AUTS2: variants seen among roughly 807,000 people sequenced by gnomAD.
The protein encoded by AUTS2 is activator of transcription and developmental regulator AUTS2.
In AUTS2, 17 loss-of-function variants were observed where a neutral mutation model predicts 112.4. That is an observed-to-expected ratio of 0.15 (90% CI 0.10 to 0.23). The LOEUF (loss-of-function observed/expected upper bound fraction) is 0.23. Ranked by LOEUF, AUTS2 falls within the 10% of genes least tolerant of loss-of-function variation. AUTS2 has a pLI of 1.00. For missense variants in AUTS2, 1,510 were observed against 1,701.6 expected (o/e 0.89, Z 1.98); for synonymous variants, 751 against 702.7 (o/e 1.07, Z -1.09).
At chr7:69,868,514 C>A (rs1384129218) in intron 1 of AUTS2, among the ~76,000 whole-genome samples, 1 of 152,114 alleles carries the variant, frequency 6.6e-6, no homozygotes, top group Non-Finnish European at 1.5e-5. Context: ...CCCTCTGTCA[C>A]CCAGGTTATA....
At chr7:69,828,213 C>T (rs926939203) in intron 1 of AUTS2, among the ~76,000 whole-genome samples, 1 of 152,170 alleles carries the variant, frequency 6.6e-6, no homozygotes, top group Non-Finnish European at 1.5e-5. Flanking sequence ...TACTCCTTGT[C>T]AGTGATGGGC....
intron 4 of AUTS2, among the ~76,000 whole-genome samples, chr7:70,165,011 A>C (rs1808307450): frequency 6.6e-6 from 1 of 152,192 alleles, no homozygotes; most frequent in Non-Finnish European, 1.5e-5. Context: ...ATTTTAGTAG[A>C]GTGATGGAAT....
At chr7:70,006,407 ATGT>A (rs1372095851) in intron 2 of AUTS2, among the ~76,000 whole-genome samples, 2 of 152,308 alleles carry the variant, frequency 1.3e-5, no homozygotes, top group South Asian at 2.1e-4. Context: ...AGGCTTTCAG[ATGT>A]TGTCTGAACA....
intron 3 of AUTS2, among the ~76,000 whole-genome samples, chr7:70,132,164 T>TA (rs200482728): frequency 0.021 from 2,135 of 102,510 alleles, 42 homozygotes; most frequent in African/African-American, 0.036. Context: ...TCTTTTCCCT[T>TA]AAAAAAAAAA....
chr7:70,306,940 A>T (rs925921184), intron 4 of AUTS2, among the ~76,000 whole-genome samples: 5 of 152,180 alleles, frequency 3.3e-5, no homozygotes, highest in African/African-American at 1.2e-4. Context: ...CTATAATCAA[A>T]TTATTGCTTT....
chr7:70,158,158 G>C (rs768618898), intron 4 of AUTS2, among the ~76,000 whole-genome samples: 6 of 151,984 alleles, frequency 3.9e-5, no homozygotes, highest in Admixed American at 3.9e-4. Context: ...ACAGGAATGA[G>C]GATAGGAAGG....
chr7:69,810,919 CA>C (rs1287335895), intron 1 of AUTS2, among the ~76,000 whole-genome samples: 2 of 152,180 alleles, frequency 1.3e-5, no homozygotes, highest in East Asian at 3.8e-4. Flanking sequence ...GCATATTCAA[CA>C]TTTTTTTGAA....
At chr7:70,752,483 T>C (rs1788930895) in intron 6 of AUTS2, among the ~76,000 whole-genome samples, 1 of 152,232 alleles carries the variant, frequency 6.6e-6, no homozygotes, top group African/African-American at 2.4e-5. Flanking sequence ...TTACCGTTGA[T>C]AACTCAGAAT....
intron 1 of AUTS2, among the ~76,000 whole-genome samples, chr7:69,881,500 G>A (rs535622783): frequency 5.0e-4 from 76 of 152,178 alleles, no homozygotes; most frequent in Middle Eastern, 3.4e-3. Context: ...GTCTCATTTG[G>A]AAAGCCAGCA....
At chr7:69,810,735 A>G (rs1790512001) in intron 1 of AUTS2, among the ~76,000 whole-genome samples, 1 of 152,202 alleles carries the variant, frequency 6.6e-6, no homozygotes, top group Non-Finnish European at 1.5e-5. Flanking sequence ...AAAATGGTAG[A>G]CTAGGATTCG....
chr7:70,350,094 A>G (rs1316092297), intron 4 of AUTS2, among the ~76,000 whole-genome samples: 2 of 151,764 alleles, frequency 1.3e-5, no homozygotes. Context: ...TACATGCCAC[A>G]GCAAGAGGAC....
At chr7:70,731,377 G>GAATAAGAA (rs1454505500) in intron 6 of AUTS2, among the ~76,000 whole-genome samples, 1 of 130,144 alleles carries the variant, frequency 7.7e-6, no homozygotes, top group South Asian at 2.7e-4. Flanking sequence ...AAGGTTGCAA[G>GAATAAGAA]AATAAGAATA....
At chr7:70,765,626 G>A (rs1789888777) in intron 8 of AUTS2, among the ~76,000 whole-genome samples, 1 of 152,206 alleles carries the variant, frequency 6.6e-6, no homozygotes, top group African/African-American at 2.4e-5. Context: ...GACACTTGAA[G>A]AGGACATGCG....
chr7:70,115,563 T>A (rs1379777260), intron 2 of AUTS2, among the ~76,000 whole-genome samples: 1 of 152,190 alleles, frequency 6.6e-6, no homozygotes, highest in African/African-American at 2.4e-5. Context: ...TTAGAACATA[T>A]TATGTGGAGA....
At chr7:70,400,570 TA>T (rs1794283179) in intron 4 of AUTS2, among the ~76,000 whole-genome samples, 1 of 151,922 alleles carries the variant, frequency 6.6e-6, no homozygotes, top group Admixed American at 6.6e-5. Flanking sequence ...CATGCTGAGG[TA>T]GGGGGGCAGA....
intron 2 of AUTS2, among the ~76,000 whole-genome samples, chr7:70,095,143 G>A (rs1300741946): frequency 1.3e-5 from 2 of 152,158 alleles, no homozygotes; most frequent in Admixed American, 6.5e-5. Flanking sequence ...ATTTACTTAC[G>A]TGGAAACATC....
intron 5 of AUTS2, among the ~76,000 whole-genome samples, chr7:70,494,048 A>C (rs1165841713): frequency 6.6e-6 from 1 of 152,216 alleles, no homozygotes; most frequent in East Asian, 1.9e-4. Context: ...AAAATAAATA[A>C]ATAGGGATAG....
chr7:70,694,466 C>G lies in AUTS2; in HGVS notation c.691-4103C>G, dbSNP rs903444063. 1 of 149,070 alleles carries G rather than the reference C, an allele frequency of 6.7e-6. No individual in the cohort carries two copies. Among genetic ancestry groups the G allele is most frequent in the Non-Finnish European group, 1.5e-5 (1 of 66,924 alleles). The allele number at this position is 149,070 out of a possible 1,614,324, so 9.2% of individuals were successfully genotyped here. A position where few individuals can be genotyped will look rare whatever the true frequency, so the allele number is the denominator to read the frequency against. On this transcript the variant is annotated intron_variant, in intron 5 of 18. Coordinates refer to ENST00000342771, the MANE Select transcript of AUTS2 (RefSeq NM_015570.4). This position sits in a 1 kb window ranked among gnomAD's most constrained non-coding sequence, Gnocchi z 4.1. ...GGACCGGCTGTCGGGGAGCCCCGGG[C>G]GGCCGCCGGGGAGAAGCCGCCGCGC...
At chr7:69,810,332 G>A (rs1459120157) in intron 1 of AUTS2, among the ~76,000 whole-genome samples, 1 of 152,162 alleles carries the variant, frequency 6.6e-6, no homozygotes, top group Non-Finnish European at 1.5e-5. Flanking sequence ...TAAACCACCA[G>A]CCTCACAGGA....
Sources: allele counts gnomAD v4.1 joint callset (sites outside exome capture counted in the v4.1 genomes callset), GRCh38; gene constraint gnomAD v4.1.1; non-coding constraint Gnocchi (gnomAD v3.1); transcripts MANE v1.5; gene names NCBI Gene and HGNC (gene_info 2026-07-23, HGNC 2026-07-21).